RBFOX2: variants seen among roughly 807,000 people sequenced by gnomAD.
RBFOX2 encodes the protein RNA binding fox-1 homolog 2.
Under a neutral mutation model 49.1 loss-of-function variants are expected in RBFOX2, and 10 were observed. That is an observed-to-expected ratio of 0.20 (90% CI 0.13 to 0.35). The LOEUF (loss-of-function observed/expected upper bound fraction) is 0.35. Ranked by LOEUF, RBFOX2 falls within the 10% of genes least tolerant of loss-of-function variation. The pLI is 1.00. For synonymous variants in RBFOX2, 183 were observed against 187.4 expected (o/e 0.98, Z 0.19); for missense variants, 323 against 486.9 (o/e 0.66, Z 3.17).
intron 1 of RBFOX2, among the ~76,000 whole-genome samples, chr22:35,919,538 A>G (rs2050794263): frequency 6.6e-6 from 1 of 152,046 alleles, no homozygotes; most frequent in Non-Finnish European, 1.5e-5. Flanking sequence ...CTCAAAAAAA[A>G]AAAAAAGAAA....
At chr22:35,815,092 C>G (rs1952768965) in intron 1 of RBFOX2, among the ~76,000 whole-genome samples, 1 of 152,198 alleles carries the variant, frequency 6.6e-6, no homozygotes, top group African/African-American at 2.4e-5. Flanking sequence ...CAATCATCAC[C>G]TACCGACAGG....
chr22:35,877,126 A>C (rs1396737094), intron 1 of RBFOX2, among the ~76,000 whole-genome samples: 1 of 152,230 alleles, frequency 6.6e-6, no homozygotes, highest in Non-Finnish European at 1.5e-5. Flanking sequence ...TCCCTGATAC[A>C]AATGTAATTC....
At chr22:36,015,245 C>T (rs1165185543) in intron 1 of RBFOX2, among the ~76,000 whole-genome samples, 1 of 152,192 alleles carries the variant, frequency 6.6e-6, no homozygotes, top group East Asian at 1.9e-4. Flanking sequence ...TAACACAAAA[C>T]ATAGTAAAAT....
At chr22:35,858,040 T>C (rs1033776678) in intron 1 of RBFOX2, among the ~76,000 whole-genome samples, 2 of 152,182 alleles carry the variant, frequency 1.3e-5, no homozygotes, top group Non-Finnish European at 2.9e-5. Context: ...TGACTGAATT[T>C]AGCAAACAAG....
At chr22:35,897,056 C>A (rs1439990600) in intron 1 of RBFOX2, among the ~76,000 whole-genome samples, 1 of 152,170 alleles carries the variant, frequency 6.6e-6, no homozygotes, top group Non-Finnish European at 1.5e-5. Context: ...TAAAATTACA[C>A]TGATAAGAGA....
intron 1 of RBFOX2, among the ~76,000 whole-genome samples, chr22:35,913,295 T>A (rs5750199): frequency 6.6e-6 from 1 of 151,970 alleles, no homozygotes; most frequent in Non-Finnish European, 1.5e-5. Flanking sequence ...CTGGGCAACA[T>A]AGTGAGACTC....
intron 1 of RBFOX2, among the ~76,000 whole-genome samples, chr22:35,827,402 C>CT (rs1955987123): frequency 6.6e-6 from 1 of 152,216 alleles, no homozygotes; most frequent in South Asian, 2.1e-4. Flanking sequence ...CATGGAAACT[C>CT]TGTTTTTCCT....
chr22:35,752,398 G>GAA (rs914876282), intron 9 of RBFOX2, among the ~76,000 whole-genome samples: 6 of 152,190 alleles, frequency 3.9e-5, no homozygotes, highest in Admixed American at 2.6e-4. Context: ...AAGAGGACAG[G>GAA]AGCACTTAAT....
chr22:35,984,408 T>C (rs1190849112), intron 1 of RBFOX2, among the ~76,000 whole-genome samples: 1 of 152,238 alleles, frequency 6.6e-6, no homozygotes, highest in African/African-American at 2.4e-5. Context: ...CCAGTTGTTC[T>C]GGACTTGCAA....
intron 1 of RBFOX2, among the ~76,000 whole-genome samples, chr22:35,930,093 C>T (rs2052191959): frequency 1.4e-5 from 2 of 147,780 alleles, no homozygotes; most frequent in Non-Finnish European, 1.5e-5. Flanking sequence ...ATAATCTCAG[C>T]TCACTGCAAC....
chr22:35,993,696 G>A (rs1224735457), intron 1 of RBFOX2: 1 of 152,146 alleles, frequency 6.6e-6, no homozygotes, highest in Non-Finnish European at 1.5e-5. Context: ...TAACTAATAG[G>A]GAGGGTATGT....
chr22:35,806,294 A>G (rs1039198188), intron 2 of RBFOX2, among the ~76,000 whole-genome samples: 1 of 152,092 alleles, frequency 6.6e-6, no homozygotes, highest in Non-Finnish European at 1.5e-5. Context: ...GCTCTAAAAA[A>G]GGAGATCTTA....
chr22:35,911,257 T>C (rs1379012180), intron 1 of RBFOX2, among the ~76,000 whole-genome samples: 1 of 152,198 alleles, frequency 6.6e-6, no homozygotes, highest in Non-Finnish European at 1.5e-5. Context: ...ATCTTCTTTG[T>C]AAAAGCCATC....
At chr22:35,746,589 C>T in intron 9 of RBFOX2, 28 bp from the exon 12 acceptor site, 2 of 1,428,560 alleles carry the variant, frequency 1.4e-6, no homozygotes, top group Non-Finnish European at 1.9e-6. Context: ...ACTGACTTTA[C>T]AGATACCTCT....
At chr22:35,854,240 C>T (rs927531570) in intron 1 of RBFOX2, among the ~76,000 whole-genome samples, 6 of 150,972 alleles carry the variant, frequency 4.0e-5, no homozygotes, top group African/African-American at 1.2e-4. Flanking sequence ...ATAATACGAC[C>T]ACATTTGCTT....
chr22:35,910,067 A>C (rs1383443140), intron 1 of RBFOX2, among the ~76,000 whole-genome samples: 1 of 152,232 alleles, frequency 6.6e-6, no homozygotes, highest in Non-Finnish European at 1.5e-5. Flanking sequence ...ACAAAATATA[A>C]CTGAATCTCT....
chr22:35,884,810 T>C (rs1274820911), intron 1 of RBFOX2, among the ~76,000 whole-genome samples: 1 of 152,208 alleles, frequency 6.6e-6, no homozygotes, highest in Admixed American at 6.5e-5. Context: ...ACAGACTAGC[T>C]GAATGTATTA....
chr22:35,797,740 T>C (rs1335101589), intron 2 of RBFOX2, among the ~76,000 whole-genome samples: 1 of 152,200 alleles, frequency 6.6e-6, no homozygotes, highest in Non-Finnish European at 1.5e-5. Context: ...ATACCTTGCA[T>C]TGACTTCATA....
chr22:35,933,929 TA>T lies in RBFOX2; in HGVS notation c.-34+4917del, dbSNP rs1569498181. 1.8e-4 allele frequency among the ~76,000 whole-genome samples: 20 copies of T among 111,610 alleles called. 1 individual carries two copies. The highest frequency in any genetic ancestry group is 8.1e-3 in the Middle Eastern group (2 of 248). 73.2% of individuals were successfully genotyped at this position (111,610 alleles called of 152,430 possible). A position where few individuals can be genotyped will look rare whatever the true frequency, so the allele number is the denominator to read the frequency against. On this transcript the variant is annotated intron_variant, in intron 1 of 13. Transcript: ENST00000359369. ...CTTATAATTATATAATTAAATGTTA[TA>T]TATATATATATATATATATATATAC...
Sources: allele counts gnomAD v4.1 joint callset (sites outside exome capture counted in the v4.1 genomes callset), GRCh38; gene constraint gnomAD v4.1.1; transcripts MANE v1.5; gene names NCBI Gene and HGNC (gene_info 2026-07-23, HGNC 2026-07-21).